The following ARHGEF3 variants were observed in gnomAD, a reference collection of about 807,000 sequenced individuals.
ARHGEF3 encodes the protein Rho guanine nucleotide exchange factor 3.
In ARHGEF3, 28 loss-of-function variants were observed where a neutral mutation model predicts 63.2. The ratio of observed to expected loss-of-function variants is 0.44; its 90% CI spans 0.33 to 0.61. The LOEUF is 0.61. Among genes scored for constraint, ARHGEF3 ranks in the 20% least tolerant of loss-of-function variants. ARHGEF3 has a pLI of 0.03. For synonymous variants in ARHGEF3, 266 were observed against 254.2 expected, an observed-to-expected ratio of 1.05 and a Z score of -0.44; for missense variants, 533 against 659.3, an observed-to-expected ratio of 0.81 and a Z score of 2.10.
intron 4 of ARHGEF3, among the ~76,000 whole-genome samples, chr3:56,814,376 A>G (rs902594750): frequency 6.6e-6 from 1 of 152,136 alleles, no homozygotes; most frequent in Non-Finnish European, 1.5e-5. Context: ...TTCTTCTTCC[A>G]CTGTGGCCCA....
At chr3:56,931,235 C>G (rs2042402547) in intron 3 of ARHGEF3, among the ~76,000 whole-genome samples, 1 of 152,164 alleles carries the variant, frequency 6.6e-6, no homozygotes, top group Non-Finnish European at 1.5e-5. Context: ...TACACAAGTT[C>G]CGTGATGGGA....
intron 2 of ARHGEF3, among the ~76,000 whole-genome samples, chr3:57,032,728 G>C (rs968828615): frequency 6.6e-6 from 1 of 152,182 alleles, no homozygotes; most frequent in African/African-American, 2.4e-5. Flanking sequence ...TGATGGTAGT[G>C]GTGGATATAA....
intron 2 of ARHGEF3, among the ~76,000 whole-genome samples, chr3:57,025,848 T>C (rs1703451040): frequency 6.6e-6 from 1 of 152,164 alleles, no homozygotes; most frequent in Non-Finnish European, 1.5e-5. Flanking sequence ...CCTCGATAGA[T>C]ACTCATCATT....
chr3:56,916,286 A>C, intron 3 of ARHGEF3: 2 of 1,534,120 alleles, frequency 1.3e-6, no homozygotes, highest in Non-Finnish European at 1.7e-6. Context: ...GGCCCATCCC[A>C]GGCTCAGCAG....
At chr3:56,889,142 G>A (rs564627644) in intron 3 of ARHGEF3, among the ~76,000 whole-genome samples, 1 of 151,954 alleles carries the variant, frequency 6.6e-6, no homozygotes, top group Non-Finnish European at 1.5e-5. Context: ...TTGTTTCCAG[G>A]ACACTCTGTG....
chr3:57,048,566 G>A (rs1052750746), intron 1 of ARHGEF3, among the ~76,000 whole-genome samples: 1 of 152,072 alleles, frequency 6.6e-6, no homozygotes, highest in East Asian at 1.9e-4. Context: ...AGATGCTTCC[G>A]GAGGCAAAGC....
chr3:57,015,600 A>ATTTT (rs11290143), intron 2 of ARHGEF3, among the ~76,000 whole-genome samples: 1 of 129,248 alleles, frequency 7.7e-6, no homozygotes, highest in Non-Finnish European at 1.6e-5. Flanking sequence ...CGCCCTGCTA[A>ATTTT]TTTTTTTTTT....
intron 1 of ARHGEF3, among the ~76,000 whole-genome samples, chr3:57,046,718 C>T (rs1008792738): frequency 2.0e-5 from 3 of 152,136 alleles, no homozygotes; most frequent in Admixed American, 6.6e-5. Flanking sequence ...CAAAGGAAAA[C>T]ACACACCTCT....
At chr3:57,051,453 T>G (rs1704665582) in intron 1 of ARHGEF3, among the ~76,000 whole-genome samples, 1 of 151,902 alleles carries the variant, frequency 6.6e-6, no homozygotes, top group Non-Finnish European at 1.5e-5. Flanking sequence ...CGCCACTGCA[T>G]TCCAGCCTGG....
At chr3:56,847,819 C>A (rs2039539450) in intron 4 of ARHGEF3, among the ~76,000 whole-genome samples, 2 of 152,172 alleles carry the variant, frequency 1.3e-5, no homozygotes, top group South Asian at 4.1e-4. Context: ...CTCAGGCAGT[C>A]CTCCCGCCTT....
chr3:57,044,600 T>C (rs903762742), intron 1 of ARHGEF3, among the ~76,000 whole-genome samples: 3 of 152,192 alleles, frequency 2.0e-5, no homozygotes, highest in African/African-American at 4.8e-5. Flanking sequence ...CTTAATTACA[T>C]GGATAGACTG....
At chr3:57,007,827 A>G (rs1702527210) in intron 2 of ARHGEF3, among the ~76,000 whole-genome samples, 1 of 152,218 alleles carries the variant, frequency 6.6e-6, no homozygotes, top group Non-Finnish European at 1.5e-5. Flanking sequence ...TGAGAACACA[A>G]GAATCAAACC....
At position 57,027,346 on chromosome 3, in the gene ARHGEF3, G is replaced by A. The variant is rs190784562; in HGVS notation, c.62+7742C>T. Reference sequence around the variant, plus strand: ...TGAGAAGGTGACTGCCTGGCATTAGGAACATGCTGATTGGCTCCCAATGCC... The same window carrying A: ...TGAGAAGGTGACTGCCTGGCATTAGAAACATGCTGATTGGCTCCCAATGCC... On this transcript the variant is annotated intron_variant, in intron 2 of 12. Transcript: ENST00000338458. Among the ~76,000 whole-genome samples, 212 of 152,276 alleles carry A rather than the reference G, an allele frequency of 1.4e-3. 1 individual carries two copies. The highest frequency in any genetic ancestry group is 6.8e-3 in the Middle Eastern group (2 of 294).
intron 4 of ARHGEF3, among the ~76,000 whole-genome samples, chr3:56,878,957 G>A (rs1418953192): frequency 6.6e-6 from 1 of 152,142 alleles, no homozygotes; most frequent in Non-Finnish European, 1.5e-5. Context: ...GATTCTCATA[G>A]GAGCACACAC....
At chr3:56,833,570 ACAC>A (rs2039000597) in intron 4 of ARHGEF3, among the ~76,000 whole-genome samples, 1 of 152,130 alleles carries the variant, frequency 6.6e-6, no homozygotes, top group Non-Finnish European at 1.5e-5. Flanking sequence ...AGCCTTCCCT[ACAC>A]CACATTTTAT....
intron 2 of ARHGEF3, among the ~76,000 whole-genome samples, chr3:56,767,125 C>T (rs1172769802): frequency 7.1e-6 from 1 of 141,188 alleles, no homozygotes; most frequent in African/African-American, 2.7e-5. Context: ...GTCTGGGCAA[C>T]ATAGGGAGAT....
intron 2 of ARHGEF3, among the ~76,000 whole-genome samples, chr3:56,968,303 A>AATATTTATATATAATAT: frequency 1.9e-5 from 1 of 53,856 alleles, no homozygotes; most frequent in African/African-American, 6.1e-5. Context: ...TATAATATAT[A>AATATTTATATATAATAT]ATATATATAA....
At chr3:56,945,438 C>T (rs557093120) in intron 3 of ARHGEF3, among the ~76,000 whole-genome samples, 16 of 152,282 alleles carry the variant, frequency 1.1e-4, no homozygotes, top group East Asian at 1.9e-4. Flanking sequence ...GCTTTTCCAA[C>T]GGTCTTAGCA....
At chr3:56,939,757 A>G (rs1285253189) in intron 3 of ARHGEF3, 1 of 152,214 alleles carries the variant, frequency 6.6e-6, no homozygotes, top group African/African-American at 2.4e-5. Context: ...TTTTGCCCAC[A>G]TGGAGTCAGA....
Sources: allele counts gnomAD v4.1 joint callset (sites outside exome capture counted in the v4.1 genomes callset), GRCh38; gene constraint gnomAD v4.1.1; transcripts MANE v1.5; gene names NCBI Gene and HGNC (gene_info 2026-07-23, HGNC 2026-07-21).